Variants in MACROD2 observed in about 807,000 individuals in gnomAD.
The protein encoded by MACROD2 is ADP-ribose glycohydrolase MACROD2.
In MACROD2, 36 loss-of-function variants were observed where a neutral mutation model predicts 70.4. The ratio of observed to expected loss-of-function variants is 0.51; its 90% CI spans 0.39 to 0.68. MACROD2 has a LOEUF of 0.68. Among genes scored for constraint, MACROD2 ranks in the 30% least tolerant of loss-of-function variants. The pLI is 0.00. For missense variants in MACROD2, 496 were observed against 538.4 expected (o/e 0.92, Z 0.78); for synonymous variants, 172 against 178.8 (o/e 0.96, Z 0.30).
At chr20:15,183,717 GT>G (rs1273587608) in intron 5 of MACROD2, among the ~76,000 whole-genome samples, 1 of 152,176 alleles carries the variant, frequency 6.6e-6, no homozygotes, top group Non-Finnish European at 1.5e-5. Flanking sequence ...GCCCAAAACA[GT>G]AGGCAGCATC....
chr20:15,862,881 C>G (rs536519217), intron 9 of MACROD2, 55 bp downstream of exon 9: 2 of 1,316,768 alleles, frequency 1.5e-6, no homozygotes, highest in Non-Finnish European at 2.2e-6. Flanking sequence ...GAAGTGGAGC[C>G]GTCACTTCTA....
chr20:15,562,249 G>C (rs2048254540), intron 8 of MACROD2, among the ~76,000 whole-genome samples: 1 of 152,094 alleles, frequency 6.6e-6, no homozygotes, highest in South Asian at 2.1e-4. Context: ...GCTACGTGAG[G>C]ATTTTACAGC....
chr20:15,358,760 G>T (rs1363211691), intron 6 of MACROD2, among the ~76,000 whole-genome samples: 2 of 151,884 alleles, frequency 1.3e-5, no homozygotes, highest in African/African-American at 4.8e-5. Flanking sequence ...CCTGCAGACG[G>T]TTGACTTCTC....
At chr20:14,090,904 C>T (rs761749375) in intron 3 of MACROD2, among the ~76,000 whole-genome samples, 6 of 152,172 alleles carry the variant, frequency 3.9e-5, no homozygotes, top group Non-Finnish European at 7.3e-5. Context: ...TCCTCACCAA[C>T]ACTTGTTAGC....
At chr20:15,801,985 T>A (rs575630460) in intron 8 of MACROD2, among the ~76,000 whole-genome samples, 1 of 152,298 alleles carries the variant, frequency 6.6e-6, no homozygotes, top group Non-Finnish European at 1.5e-5. Context: ...ATTGCTTTCT[T>A]GATTTCTTTT....
intron 6 of MACROD2, among the ~76,000 whole-genome samples, chr20:15,425,801 G>C (rs1015731410): frequency 3.6e-4 from 55 of 152,160 alleles, no homozygotes; most frequent in African/African-American, 1.3e-3. Context: ...GATGACGATG[G>C]ATGAGCAAGA....
At chr20:14,048,338 C>G (rs150459738) in intron 2 of MACROD2, among the ~76,000 whole-genome samples, 5 of 152,260 alleles carry the variant, frequency 3.3e-5, no homozygotes, top group Middle Eastern at 3.4e-3. Flanking sequence ...GGAGTCCGCT[C>G]TCTATCTCAT....
At chr20:14,067,123 G>GTTTTTTTT (rs544348706) in intron 2 of MACROD2, among the ~76,000 whole-genome samples, 32 of 85,046 alleles carry the variant, frequency 3.8e-4, no homozygotes, top group East Asian at 1.1e-3. Context: ...ATTTTTTAGT[G>GTTTTTTTT]TTTTTTTTTT....
intron 7 of MACROD2, among the ~76,000 whole-genome samples, chr20:15,445,806 G>A (rs1469259379): frequency 6.6e-6 from 1 of 152,122 alleles, no homozygotes; most frequent in South Asian, 2.1e-4. Flanking sequence ...GAGTTGCTGA[G>A]TGACTTGGCT....
chr20:15,240,495 C>T (rs774893285), intron 6 of MACROD2, among the ~76,000 whole-genome samples: 7 of 152,032 alleles, frequency 4.6e-5, no homozygotes, highest in Non-Finnish European at 7.4e-5. Context: ...TTTGAGCCCA[C>T]GAGTTAGTTA....
At chr20:14,247,025 T>C (rs1196664488) in intron 3 of MACROD2, among the ~76,000 whole-genome samples, 2 of 152,200 alleles carry the variant, frequency 1.3e-5, no homozygotes, top group East Asian at 3.8e-4. Context: ...ATACAAAATG[T>C]CTACAGTTCA....
chr20:14,784,456 G>A (rs529981317), intron 5 of MACROD2, among the ~76,000 whole-genome samples: 3 of 152,044 alleles, frequency 2.0e-5, no homozygotes, highest in East Asian at 1.9e-4. Flanking sequence ...CTTCATTTTA[G>A]CACTTCTCAT....
chr20:14,095,636 A>G (rs981897308), intron 3 of MACROD2, among the ~76,000 whole-genome samples: 26 of 152,224 alleles, frequency 1.7e-4, no homozygotes, highest in Non-Finnish European at 1.5e-4. Context: ...TTAAATATAG[A>G]TAATTCCTTA....
At position 14,515,539 on chromosome 20, in the gene MACROD2, G is replaced by A. The variant is rs546919888; in HGVS notation, c.301+22031G>A. 2.0e-5 allele frequency among the ~76,000 whole-genome samples: 3 copies of A among 150,148 alleles called. No homozygotes were observed. In the South Asian group the frequency reaches 6.3e-4, roughly 32 times the overall value. ...ACCCTTAAAAAAGAAGAAAATTCTGGCATTTGTGACAACATGGATGGACCT... is the reference window on the plus strand; with the variant it reads ...ACCCTTAAAAAAGAAGAAAATTCTGACATTTGTGACAACATGGATGGACCT... On this transcript the variant is annotated intron_variant, in intron 4 of 17. Coordinates refer to ENST00000684519, the MANE Select transcript of MACROD2 (RefSeq NM_001351661.2).
chr20:14,333,243 T>G (rs1458484513), intron 3 of MACROD2, among the ~76,000 whole-genome samples: 1 of 152,186 alleles, frequency 6.6e-6, no homozygotes, highest in African/African-American at 2.4e-5. Flanking sequence ...GGATAAAATT[T>G]CCAATGCTAA....
chr20:15,837,789 C>T (rs544291715), intron 8 of MACROD2, among the ~76,000 whole-genome samples: 22 of 152,238 alleles, frequency 1.4e-4, no homozygotes, highest in African/African-American at 5.1e-4. Context: ...TGATGATGTA[C>T]GAAAGAAGCT....
intron 5 of MACROD2, among the ~76,000 whole-genome samples, chr20:14,753,071 C>T (rs2071895102): frequency 6.6e-6 from 1 of 152,086 alleles, no homozygotes; most frequent in South Asian, 2.1e-4. Context: ...GAGCCAGACA[C>T]GTGCACATCC....
chr20:15,982,031 A>G (rs1266158400), intron 13 of MACROD2, among the ~76,000 whole-genome samples: 1 of 151,438 alleles, frequency 6.6e-6, no homozygotes, highest in Non-Finnish European at 1.5e-5. Flanking sequence ...ATCTTATTCT[A>G]TGCTGCTTAC....
intron 5 of MACROD2, among the ~76,000 whole-genome samples, chr20:15,100,083 T>C (rs570594767): frequency 6.6e-6 from 1 of 152,152 alleles, no homozygotes; most frequent in South Asian, 2.1e-4. Context: ...CATTTGGATA[T>C]TTATTTATTT....
Sources: allele counts gnomAD v4.1 joint callset (sites outside exome capture counted in the v4.1 genomes callset), GRCh38; gene constraint gnomAD v4.1.1; transcripts MANE v1.5; gene names NCBI Gene and HGNC (gene_info 2026-07-23, HGNC 2026-07-21).